CLVS1: variants seen among roughly 807,000 people sequenced by gnomAD.
The protein encoded by CLVS1 is clavesin-1.
CLVS1 carries 10 observed loss-of-function variants against 33.1 expected under a neutral mutation model. That is an observed-to-expected ratio of 0.30 (90% confidence interval 0.19 to 0.51). The LOEUF (loss-of-function observed/expected upper bound fraction) is 0.51, where lower values mean the gene tolerates loss of function less well. CLVS1 is among the 20% of genes least tolerant of loss of function. The pLI is 0.97. For synonymous variants in CLVS1, 163 were observed against 166.1 expected (o/e 0.98, Z 0.14); for missense variants, 343 against 433.4 (o/e 0.79, Z 1.85).
At chr8:61,335,868 G>A (rs1811780713) in intron 2 of CLVS1, among the ~76,000 whole-genome samples, 1 of 152,168 alleles carries the variant, frequency 6.6e-6, no homozygotes, top group South Asian at 2.1e-4. Flanking sequence ...TGCACTTTGT[G>A]TTTAGGCCTG....
intron 3 of CLVS1, among the ~76,000 whole-genome samples, chr8:61,412,585 G>A (rs762566105): frequency 2.1e-4 from 32 of 152,232 alleles, no homozygotes; most frequent in Non-Finnish European, 3.8e-4. Context: ...CACAGCTCAC[G>A]TGCTCTCAGG....
the CLVS1 span, among the ~76,000 whole-genome samples, chr8:60,970,603 C>T: frequency 6.6e-6 from 1 of 152,216 alleles, no homozygotes; most frequent in Non-Finnish European, 1.5e-5. Flanking sequence ...GCATTGCACC[C>T]ATGTCTTCTA....
chr8:61,197,516 G>GTTT (rs1202280735), intron 2 of CLVS1, among the ~76,000 whole-genome samples: 1 of 151,850 alleles, frequency 6.6e-6, no homozygotes, highest in Non-Finnish European at 1.5e-5. Flanking sequence ...TGTTGTTGTT[G>GTTT]TTTGTTTGTT....
the CLVS1 span, among the ~76,000 whole-genome samples, chr8:60,992,603 CT>C: frequency 6.6e-6 from 1 of 152,200 alleles, no homozygotes; most frequent in South Asian, 2.1e-4. Flanking sequence ...AAGGAAACAA[CT>C]AGGATAGGGG....
At chr8:61,365,766 T>TGC (rs1456412772) in intron 2 of CLVS1, among the ~76,000 whole-genome samples, 1 of 146,600 alleles carries the variant, frequency 6.8e-6, no homozygotes, top group Non-Finnish European at 1.5e-5. Flanking sequence ...TGTGTGTGTG[T>TGC]GTGTGTGTGC....
chr8:61,448,590 G>T (rs1297179768), intron 3 of CLVS1, among the ~76,000 whole-genome samples: 1 of 151,114 alleles, frequency 6.6e-6, no homozygotes, highest in Non-Finnish European at 1.5e-5. Flanking sequence ...GAAATTTCCA[G>T]ATGAGCCAGG....
intron 2 of CLVS1, among the ~76,000 whole-genome samples, chr8:61,189,555 C>G (rs941214515): frequency 6.6e-6 from 1 of 152,134 alleles, no homozygotes; most frequent in Non-Finnish European, 1.5e-5. Flanking sequence ...ACTAAATGCT[C>G]CAATTAAAAG....
intron 2 of CLVS1, among the ~76,000 whole-genome samples, chr8:61,225,197 A>G (rs1387004614): frequency 6.6e-6 from 1 of 152,130 alleles, no homozygotes; most frequent in Non-Finnish European, 1.5e-5. Flanking sequence ...ATATGCCTGT[A>G]GTCCCAGCTA....
At chr8:61,354,625 T>A (rs1207287101) in intron 2 of CLVS1, among the ~76,000 whole-genome samples, 1 of 152,148 alleles carries the variant, frequency 6.6e-6, no homozygotes, top group East Asian at 1.9e-4. Flanking sequence ...GGTACATCCA[T>A]ACCATTGATT....
At chr8:61,444,677 G>A (rs926512321) in intron 3 of CLVS1, among the ~76,000 whole-genome samples, 2 of 152,204 alleles carry the variant, frequency 1.3e-5, no homozygotes, top group African/African-American at 2.4e-5. Context: ...GGAAAGCCCC[G>A]AGGTTAGTCA....
At chr8:60,973,602 T>C in the CLVS1 span, among the ~76,000 whole-genome samples, 1 of 152,228 alleles carries the variant, frequency 6.6e-6, no homozygotes, top group Non-Finnish European at 1.5e-5. Flanking sequence ...GAAAGTAAAG[T>C]ACAGCTGGAA....
At chr8:61,073,967 G>C (rs188542619) in intron 1 of CLVS1, among the ~76,000 whole-genome samples, 1 of 141,362 alleles carries the variant, frequency 7.1e-6, no homozygotes, top group South Asian at 2.2e-4. Context: ...AGCCAAGATC[G>C]CGCCACTGCA....
At chr8:61,202,325 C>G in intron 2 of CLVS1, 1 of 702,498 alleles carries the variant, frequency 1.4e-6, no homozygotes, top group Admixed American at 2.0e-5. Flanking sequence ...CGCCTTCTCT[C>G]CTACCTAAGT....
In CLVS1 at chr8:61,336,069, C is replaced by T. The variant is rs191141139; in HGVS notation, c.455+35787C>T. Among the ~76,000 whole-genome samples the T allele has an allele frequency of 3.9e-4, 60 of 152,186 alleles. 1 individual carries two copies. Among genetic ancestry groups the T allele is most frequent in the East Asian group, 3.5e-3 (18 of 5,168 alleles). On this transcript the variant is annotated intron_variant, in intron 2 of 5. Coordinates refer to ENST00000325897, the MANE Select transcript of CLVS1 (RefSeq NM_173519.3). ...GAATTCGCTGAGAAAAGCAAGAGGA[C>T]GGGTCTCTGCTGAACCCTCATTCCC...
chr8:61,299,952 T>G lies in CLVS1; in HGVS notation c.125T>G (p.Leu42Arg). The G allele has an allele frequency of 6.2e-7, 1 of 1,614,026 alleles. No homozygotes were observed. The highest frequency in any genetic ancestry group is 1.1e-5 in the South Asian group (1 of 91,080). The change falls in exon 2 of 6, where the codon CTG becomes CGG. Residue 42 changes from leucine (L) to arginine (R), a missense_variant. Leu to Arg is a moderately radical substitution (Grantham distance 102, BLOSUM62 -2). Coordinates refer to ENST00000325897, the MANE Select transcript of CLVS1 (RefSeq NM_173519.3). ...ACTATAGAGAAAGCTCGCCTGGAACTGAATGAAAACCCCGATGTTTTACAT... is the reference window on the plus strand; with the variant it reads ...ACTATAGAGAAAGCTCGCCTGGAACGGAATGAAAACCCCGATGTTTTACAT... ...PETIEKARLE[L>R]NENPDVLHQD...
At chr8:61,164,335 T>C (rs2163609) in intron 2 of CLVS1, among the ~76,000 whole-genome samples, 27,898 of 152,148 alleles carry the variant, frequency 0.18, 2,688 homozygotes, top group Admixed American at 0.26. Flanking sequence ...TGGGAAGTTA[T>C]TTTTCTTTTA....
chr8:61,287,742 C>G (rs1368186337), upstream of CLVS1, among the ~76,000 whole-genome samples: 1 of 152,164 alleles, frequency 6.6e-6, no homozygotes, highest in African/African-American at 2.4e-5. Flanking sequence ...CACACACACA[C>G]AGACACACAC....
At chr8:61,029,856 A>G in the CLVS1 span, among the ~76,000 whole-genome samples, 1 of 152,192 alleles carries the variant, frequency 6.6e-6, no homozygotes, top group East Asian at 1.9e-4. Flanking sequence ...GGGTGGCTTT[A>G]GTTCCTGCTT....
At chr8:61,335,854 T>C (rs1375637208) in intron 2 of CLVS1, among the ~76,000 whole-genome samples, 1 of 152,160 alleles carries the variant, frequency 6.6e-6, no homozygotes, top group Non-Finnish European at 1.5e-5. Flanking sequence ...GGGCACGTGT[T>C]CCCTGCACTT....
Sources: gnomAD v4.1 joint callset for allele counts (sites outside exome capture counted in the v4.1 genomes callset) on GRCh38, gnomAD v4.1.1 for gene constraint, MANE v1.5 for transcripts, NCBI Gene and HGNC (gene_info 2026-07-23, HGNC 2026-07-21) for gene names.